DGCR6L: variants seen among roughly 807,000 people sequenced by gnomAD.
DGCR6L encodes DiGeorge syndrome critical region gene 6 like, also known as protein DGCR6L.
A neutral mutation model predicts 31.1 loss-of-function variants in DGCR6L; 24 were observed. The observed-to-expected ratio is 0.77, with a 90% confidence interval of 0.56 to 1.08. The LOEUF is 1.08. Ranked by LOEUF, DGCR6L falls within the 50% of genes least tolerant of loss-of-function variation. The pLI is 0.00. For synonymous variants in DGCR6L, 104 were observed against 126.1 expected (o/e 0.82, Z 1.17); for missense variants, 218 against 287.1 (o/e 0.76, Z 1.74).
rs367906227 is a variant in DGCR6L, at chr22:20,314,627, G to A, written c.*48C>T. 200 of 1,532,148 alleles carry A rather than the reference G, an allele frequency of 1.3e-4. 2 individuals carry two copies. In the East Asian group the frequency reaches 4.1e-3, roughly 32 times the overall value. 94.9% of individuals were successfully genotyped at this position (1,532,148 alleles called of 1,614,324 possible). A position where few individuals can be genotyped will look rare whatever the true frequency, so the allele number is the denominator to read the frequency against. Reference sequence around the variant, plus strand: ...CCTGCGGGCAGCTGGGAAGGCAGTGGCCAAAGGTCAAGAAGATGAACTCTG... The same window carrying A: ...CCTGCGGGCAGCTGGGAAGGCAGTGACCAAAGGTCAAGAAGATGAACTCTG... On this transcript the variant is annotated 3_prime_UTR_variant, in exon 5 of 5. Coordinates refer to ENST00000248879, the MANE Select transcript of DGCR6L (RefSeq NM_033257.4).
At chr22:20,316,251 T>C (rs757744366) in intron 2 of DGCR6L, 32 bp from the exon 3 acceptor site, 3 of 1,568,648 alleles carry the variant, frequency 1.9e-6, no homozygotes, top group Non-Finnish European at 2.6e-6. Flanking sequence ...CAGCAGGCGG[T>C]GGGACTCGGC....
At chr22:20,314,864 C>G in intron 4 of DGCR6L, 40 bp from the exon 5 acceptor site, 1 of 1,610,398 alleles carries the variant, frequency 6.2e-7, no homozygotes, top group Non-Finnish European at 8.5e-7. Flanking sequence ...AGAGTGACCC[C>G]CAGGCCCCTT....
chr22:20,316,162 T>G lies in DGCR6L; in HGVS notation c.329A>C (p.His110Pro). Residue 110 changes from histidine to proline, a missense_variant, in exon 3 of 5, where the codon CAC becomes CCC. Around this residue, in one of 4 missense-constraint regions of DGCR6L, gnomAD observed 78 missense variants for 90.0 expected, o/e 0.87. Transcript: ENST00000248879. Reference sequence around the variant, plus strand: ...AGCCGCCTGAACCACAGGCAGGTTGTGGGGCCGGCAGGCCTGCTGGGCTTC... The same window carrying G: ...AGCCGCCTGAACCACAGGCAGGTTGGGGGGCCGGCAGGCCTGCTGGGCTTC... ...HQEAQQACRP[H>P]NLPVVQAAQQ... 6.2e-7 allele frequency: 1 copy of G among 1,610,910 alleles called. No individual in the cohort carries two copies. Among genetic ancestry groups the G allele is most frequent in the Non-Finnish European group, 8.5e-7 (1 of 1,179,450 alleles).
In DGCR6L at chr22:20,320,037, T is replaced by C. The variant is rs1466484824; in HGVS notation, c.-49A>G. On this transcript the variant is annotated 5_prime_UTR_variant, in exon 1 of 5. Coordinates refer to ENST00000248879, the MANE Select transcript of DGCR6L (RefSeq NM_033257.4). ...GGCGGCGGCGACGAGCTCCCCCAGC[T>C]TCACGACATCCCGAGCGCGGCGCGT... is the stretch of plus-strand genomic sequence containing the variant. 2.2e-5 allele frequency: 32 copies of C among 1,484,984 alleles called. No individual in the cohort carries two copies. The highest frequency in any genetic ancestry group is 2.7e-5 in the Non-Finnish European group (30 of 1,123,136). The allele number at this position is 1,484,984 out of a possible 1,614,324, so 92.0% of individuals were successfully genotyped here.
chr22:20,314,680 G>A lies in DGCR6L; in HGVS notation c.658C>T (p.Pro220Ser). The A allele has an allele frequency of 2.5e-6, 4 of 1,595,168 alleles. No homozygotes were observed. The highest frequency in any genetic ancestry group is 3.4e-6 in the Non-Finnish European group (4 of 1,168,262). Residue 220 changes from proline to serine, a missense_variant, in exon 5 of 5, where the codon CCA becomes TCA. Pro to Ser is a moderately conservative substitution (Grantham distance 74). Coordinates refer to ENST00000248879, the MANE Select transcript of DGCR6L (RefSeq NM_033257.4). ...CAGACTTCTGCTGCCTGTGGCTATGGTGGGACAGGGCTGCCTTTCTGGTCA... is the reference window on the plus strand; with the variant it reads ...CAGACTTCTGCTGCCTGTGGCTATGATGGGACAGGGCTGCCTTTCTGGTCA... The part of the protein sequence containing the change: ...QCDQKGSPVP[P>S]
chr22:20,316,268 C>T (rs1259045342), intron 2 of DGCR6L, 49 bp from the exon 3 acceptor site: 4 of 1,555,234 alleles, frequency 2.6e-6, no homozygotes, highest in Non-Finnish European at 8.7e-7. Context: ...CGGCAGCAGC[C>T]CTCACCCATG....
In DGCR6L at chr22:20,320,036, C is replaced by G. The variant is rs1188126630; in HGVS notation, c.-48G>C. The G allele has an allele frequency of 6.7e-6, 10 of 1,486,206 alleles. No individual in the cohort carries two copies. The highest frequency in any genetic ancestry group is 8.9e-6 in the Non-Finnish European group (10 of 1,123,826). 92.1% of individuals were successfully genotyped at this position (1,486,206 alleles called of 1,614,324 possible). The stretch of plus-strand genomic sequence containing the variant: ...CGGCGGCGGCGACGAGCTCCCCCAG[C>G]TTCACGACATCCCGAGCGCGGCGCG... On this transcript the variant is annotated 5_prime_UTR_variant, in exon 1 of 5. Coordinates refer to ENST00000248879, the MANE Select transcript of DGCR6L (RefSeq NM_033257.4).
At chr22:20,317,791 G>A (rs1464828765) in intron 2 of DGCR6L, among the ~76,000 whole-genome samples, 2 of 152,224 alleles carry the variant, frequency 1.3e-5, no homozygotes, top group Non-Finnish European at 1.5e-5. Flanking sequence ...GCACAGTCTG[G>A]GCATTAAGGA....
Position 20,315,170 on chromosome 22 carries a change from C to T in DGCR6L, c.513+166G>A, listed in dbSNP as rs1245509858. ...GGCTCACCCTCCTGTAGGGAATGGG[C>T]CTGGCCTCCGTGCTGGGAATGGCAC... is the stretch of plus-strand genomic sequence containing the variant. On this transcript the variant is annotated intron_variant, in intron 4 of 4. Transcript: ENST00000248879. 15 of 1,489,114 alleles carry T rather than the reference C, an allele frequency of 1.0e-5. 1 individual carries two copies. The East Asian group carries it at 1.7e-4, about 17-fold the overall frequency. 92.2% of individuals were successfully genotyped at this position (1,489,114 alleles called of 1,614,324 possible). A position where few individuals can be genotyped will look rare whatever the true frequency, so the allele number is the denominator to read the frequency against.
chr22:20,315,493 G>A lies in DGCR6L; in HGVS notation c.373-17C>T. 1 of 1,611,464 alleles carries A rather than the reference G, an allele frequency of 6.2e-7. No homozygotes were observed. The highest frequency in any genetic ancestry group is 8.5e-7 in the Non-Finnish European group (1 of 1,178,956). ...TTCCACGGCCTGCCATGGGGCCAGG[G>A]CGCGGAGGGGGAGAGGTGAGGGCAG... On this transcript the variant is annotated splice_polypyrimidine_tract_variant and intron_variant, in intron 3 of 4. Coordinates refer to ENST00000248879, the MANE Select transcript of DGCR6L (RefSeq NM_033257.4).
intron 2 of DGCR6L, among the ~76,000 whole-genome samples, chr22:20,317,569 C>G (rs1366703133): frequency 6.6e-6 from 1 of 152,252 alleles, no homozygotes; most frequent in Non-Finnish European, 1.5e-5. Context: ...GAAGCACAAA[C>G]AGCATTGGGC....
chr22:20,317,772 C>T (rs993376343), intron 2 of DGCR6L, among the ~76,000 whole-genome samples: 1 of 152,236 alleles, frequency 6.6e-6, no homozygotes, highest in African/African-American at 2.4e-5. Flanking sequence ...CCCCAACTGG[C>T]CACACATGGC....
chr22:20,319,488 CTG>C, intron 2 of DGCR6L, 149 bp downstream of exon 2: 1 of 1,374,352 alleles, frequency 7.3e-7, no homozygotes, highest in Non-Finnish European at 9.7e-7. Flanking sequence ...CAAAAAGGCG[CTG>C]TCTCAGTCTC....
rs751078269 is a variant in DGCR6L at position 20,319,628 on chromosome 22, C to T, written c.271+11G>A. 1 of 1,610,314 alleles carries T rather than the reference C, an allele frequency of 6.2e-7. No individual in the cohort carries two copies. Among genetic ancestry groups the T allele is most frequent in the Non-Finnish European group, 8.5e-7 (1 of 1,179,410 alleles). The stretch of plus-strand genomic sequence containing the variant: ...GAGGAGGCGGCACCTCATCCCGCTG[C>T]CCCCGCGCACCTCGGTGCTCGTTCT... On this transcript the variant is annotated intron_variant, in intron 2 of 4. Coordinates refer to ENST00000248879, the MANE Select transcript of DGCR6L (RefSeq NM_033257.4).
chr22:20,317,070 G>T (rs1277117298), intron 2 of DGCR6L, among the ~76,000 whole-genome samples: 2 of 152,146 alleles, frequency 1.3e-5, no homozygotes, highest in Non-Finnish European at 2.9e-5. Flanking sequence ...AAGAAAAGGT[G>T]AAACCCAACA....
At chr22:20,317,414 C>CAGA in intron 2 of DGCR6L, among the ~76,000 whole-genome samples, 1 of 152,254 alleles carries the variant, frequency 6.6e-6, no homozygotes, top group East Asian at 1.9e-4. Flanking sequence ...GCTGCCTGGG[C>CAGA]AGAAGGGGCC....
Position 20,314,393 on chromosome 22 carries a change from C to G in DGCR6L, c.*282G>C, listed in dbSNP as rs1179249527. ...AGCGGCTGAGACCAGAACAAGCGCT[C>G]GGGTGGGCCCCAGTGCAGGTTGGGA... On this transcript the variant is annotated 3_prime_UTR_variant, in exon 5 of 5. Coordinates refer to ENST00000248879, the MANE Select transcript of DGCR6L (RefSeq NM_033257.4). 1 of 434,628 alleles carries G rather than the reference C, an allele frequency of 2.3e-6. No homozygotes were observed. The allele number at this position is 434,628 out of a possible 1,614,324, so 26.9% of individuals were successfully genotyped here.
chr22:20,314,924 C>T (rs1313980158), intron 4 of DGCR6L, 100 bp from the exon 5 acceptor site: 1 of 1,577,020 alleles, frequency 6.3e-7, no homozygotes, highest in South Asian at 1.2e-5. Flanking sequence ...GGCGACCATC[C>T]TGTGAAGCCT....
In DGCR6L at chr22:20,319,997, C is replaced by A. The variant is rs190235761; in HGVS notation, c.-9G>T. ...GCCGCGTAGCGCTCCATGGCGCGGA[C>A]GCCCGCTAGCCGCCGGCGGCGGCGA... On this transcript the variant is annotated 5_prime_UTR_variant, in exon 1 of 5. Coordinates refer to ENST00000248879, the MANE Select transcript of DGCR6L (RefSeq NM_033257.4). 7.1e-6 allele frequency: 11 copies of A among 1,550,508 alleles called. No homozygotes were observed. The highest frequency in any genetic ancestry group is 1.4e-5 in the African/African-American group (1 of 72,040).
Sources: allele counts gnomAD v4.1 joint callset (sites outside exome capture counted in the v4.1 genomes callset), GRCh38; gene constraint gnomAD v4.1.1; regional missense constraint gnomAD v4.1.1; transcripts MANE v1.5; gene names NCBI Gene and HGNC (gene_info 2026-07-23, HGNC 2026-07-21).